DLL4: variants seen among roughly 807,000 people sequenced by gnomAD.
DLL4 encodes the protein delta like canonical Notch ligand 4.
DLL4 carries 7 observed loss-of-function variants against 73.6 expected under a neutral mutation model. The ratio of observed to expected loss-of-function variants is 0.10; its 90% CI spans 0.05 to 0.18. The LOEUF is 0.18. DLL4 is among the 10% of genes least tolerant of loss of function. DLL4 has a pLI of 1.00. For synonymous variants in DLL4, 345 were observed against 374.3 expected (o/e 0.92, Z 0.90); for missense variants, 614 against 929.9 (o/e 0.66, Z 4.42).
Position 40,931,612 on chromosome 15 carries a change from C to A in DLL4, c.504C>A (p.Arg168=). Residue 168 remains arginine (R), a synonymous_variant, in exon 4 of 11, where the codon CGC becomes CGA. Coordinates refer to ENST00000249749, the MANE Select transcript of DLL4 (RefSeq NM_019074.4). ...AAACCAGCACCCTCACAAGGCTGCG[C>A]TACTCTTACCGGGTCATCTGCAGTG... ...DEQTSTLTRL[R]YSYRVICSDN... 1 of 1,613,340 alleles carries A rather than the reference C, an allele frequency of 6.2e-7. No individual in the cohort carries two copies. Among genetic ancestry groups the A allele is most frequent in the Non-Finnish European group, 8.5e-7 (1 of 1,179,610 alleles).
rs1046581027 is a variant in DLL4, at chr15:40,930,905, T to C, written c.394+223T>C. On this transcript the variant is annotated intron_variant, in intron 3 of 10. Transcript: ENST00000249749. This position sits in a 1 kb window ranked among gnomAD's most constrained non-coding sequence, Gnocchi z 5.7. Reference sequence around the variant, plus strand: ...ATTTTTGGCGTGGGAACGCGGGGAGTACGGCGGTGAGAAAGGCTGAAGCTG... The same window carrying C: ...ATTTTTGGCGTGGGAACGCGGGGAGCACGGCGGTGAGAAAGGCTGAAGCTG... 7 of 594,314 alleles carry C rather than the reference T, an allele frequency of 1.2e-5. No homozygotes were observed. The highest frequency in any genetic ancestry group is 6.1e-5 in the Admixed American group (2 of 32,782). The allele number at this position is 594,314 out of a possible 1,614,324, so 36.8% of individuals were successfully genotyped here.
rs1209640511 is a variant in DLL4, at chr15:40,935,111, G to A, written c.1234G>A (p.Ala412Thr). ...KVDRCTSNPC[A>T]NGGQCLNRGP... The stretch of plus-strand genomic sequence containing the variant: ...GGACAGGTGCACCAGCAACCCCTGT[G>A]CCAACGGTGCGTGCTGCTGCCCTGC... Residue 412 changes from alanine to threonine, a missense_variant, in exon 8 of 11, where the codon GCC becomes ACC. Transcript: ENST00000249749. 1 of 1,611,632 alleles carries A rather than the reference G, an allele frequency of 6.2e-7. No individual in the cohort carries two copies. The highest frequency in any genetic ancestry group is 2.2e-5 in the East Asian group (1 of 44,878).
At chr15:40,934,015 CAAAAAAA>C (rs59066863) in intron 6 of DLL4, among the ~76,000 whole-genome samples, 11 of 42,172 alleles carry the variant, frequency 2.6e-4, no homozygotes, top group African/African-American at 4.8e-4. Context: ...GACTCCGTCT[CAAAAAAA>C]AAAAAAAAAA....
Position 40,934,735 on chromosome 15 carries a change from G to A in DLL4, c.1020+18G>A, listed in dbSNP as rs745995306. The A allele has an allele frequency of 3.3e-5, 53 of 1,610,008 alleles. No homozygotes were observed. Among genetic ancestry groups the A allele is most frequent in the Non-Finnish European group, 4.1e-5 (48 of 1,177,118 alleles). ...GCTGTAAGGTGAGGCCCAGACCAGC[G>A]CAGGAAGACAGAGGTGTCAGGTGGT... is the stretch of plus-strand genomic sequence containing the variant. On this transcript the variant is annotated intron_variant, in intron 7 of 10. Transcript: ENST00000249749.
chr15:40,937,030 T>A, intron 9 of DLL4, 100 bp downstream of exon 9: 1 of 1,008,570 alleles, frequency 9.9e-7, no homozygotes, highest in Non-Finnish European at 1.4e-6. Context: ...GCAGCTGAGG[T>A]TTTGTTACTG....
At chr15:40,932,107 G>A (rs1350254310) in intron 4 of DLL4, 64 bp from the exon 5 acceptor site, 6 of 1,590,472 alleles carry the variant, frequency 3.8e-6, no homozygotes, top group African/African-American at 1.3e-5. Context: ...GGGCCAGCAG[G>A]TGAGAATGGG....
chr15:40,932,454 C>A lies in DLL4; in HGVS notation c.850+7C>A. 1 of 1,613,770 alleles carries A rather than the reference C, an allele frequency of 6.2e-7. No individual in the cohort carries two copies. Among genetic ancestry groups the A allele is most frequent in the South Asian group, 1.1e-5 (1 of 91,046 alleles). ...GGCCTGTTTTGTGACCAAGGTGAGTCAGGGTGAAGAGAGGGTGCAGAGGGT... is the reference window on the plus strand; with the variant it reads ...GGCCTGTTTTGTGACCAAGGTGAGTAAGGGTGAAGAGAGGGTGCAGAGGGT... On this transcript the variant is annotated splice_region_variant and intron_variant, in intron 6 of 10. Coordinates refer to ENST00000249749, the MANE Select transcript of DLL4 (RefSeq NM_019074.4).
At chr15:40,931,163 G>A (rs1892764655) in intron 3 of DLL4, 1 of 426,038 alleles carries the variant, frequency 2.3e-6, no homozygotes, top group Admixed American at 4.1e-5. Context: ...TCTCTAGCCT[G>A]GGGAGCTTTT....
chr15:40,932,511 C>T (rs948345959), intron 6 of DLL4, 64 bp downstream of exon 6: 9 of 1,586,806 alleles, frequency 5.7e-6, no homozygotes, highest in East Asian at 4.6e-5. Context: ...GGTGGAAATC[C>T]GATTCGTCAC....
intron 8 of DLL4, 102 bp downstream of exon 8, chr15:40,935,219 C>A: frequency 8.6e-7 from 1 of 1,162,280 alleles, no homozygotes; most frequent in Non-Finnish European, 1.2e-6. Context: ...GTCTGCCACT[C>A]TGGCCCCCCA....
rs763574703 is a variant in DLL4 at position 40,931,627 on chromosome 15, C to G, written c.519C>G (p.Val173=). ...TLTRLRYSYR[V]ICSDNYYGDN... ...CAAGGCTGCGCTACTCTTACCGGGT[C>G]ATCTGCAGTGACAACTACTATGGAG... is the stretch of plus-strand genomic sequence containing the variant. Residue 173 remains valine (V), a synonymous_variant, in exon 4 of 11, where the codon GTC becomes GTG. Transcript: ENST00000249749. 2.0e-5 allele frequency: 32 copies of G among 1,613,308 alleles called. No homozygotes were observed. The highest frequency in any genetic ancestry group is 2.6e-5 in the Non-Finnish European group (31 of 1,179,658).
chr15:40,935,883 C>T (rs1044443818), intron 8 of DLL4, among the ~76,000 whole-genome samples: 1 of 152,208 alleles, frequency 6.6e-6, no homozygotes, highest in African/African-American at 2.4e-5. Flanking sequence ...GCATTCTACT[C>T]CAGTCTAACA....
chr15:40,934,348 GAA>G (rs1323768688), intron 6 of DLL4, among the ~76,000 whole-genome samples, 198 bp from the exon 7 acceptor site: 2 of 150,680 alleles, frequency 1.3e-5, no homozygotes, highest in African/African-American at 4.9e-5. Flanking sequence ...AAGAAGGAAA[GAA>G]AGAGAAAGAG....
At chr15:40,933,776 G>A (rs751178500) in intron 6 of DLL4, among the ~76,000 whole-genome samples, 28 of 152,174 alleles carry the variant, frequency 1.8e-4, no homozygotes, top group Non-Finnish European at 3.7e-4. Flanking sequence ...TTTCACTTTT[G>A]GTTGACTGCA....
At chr15:40,936,164 T>G in intron 8 of DLL4, 64 bp from the exon 9 acceptor site, 3 of 1,405,236 alleles carry the variant, frequency 2.1e-6, no homozygotes, top group Admixed American at 2.4e-5. Flanking sequence ...GGAATGGGGC[T>G]CCCACCCCCT....
rs374530606 is a variant in DLL4 at position 40,936,860 on chromosome 15, G to C, written c.1873G>C (p.Gly625Arg). 3.1e-6 allele frequency: 5 copies of C among 1,613,210 alleles called. No individual in the cohort carries two copies. The Admixed American group carries it at 8.3e-5, about 27-fold the overall frequency. ...YNLAPGPLGR[G>R]TMPGKFPHSD... The stretch of plus-strand genomic sequence containing the variant: ...TCTGGCCCCAGGGCCCCTGGGGCGG[G>C]GGACCATGCCAGGAAAGTTTCCCCA... Residue 625 changes from glycine to arginine, a missense_variant, in exon 9 of 11, where the codon GGG becomes CGG. Around this residue, in one of 3 missense-constraint regions of DLL4, gnomAD observed 386 missense variants for 541.3 expected, o/e 0.71. Transcript: ENST00000249749.
intron 3 of DLL4, chr15:40,931,195 A>G (rs1226034461): frequency 2.2e-6 from 1 of 458,536 alleles, no homozygotes; most frequent in Non-Finnish European, 3.9e-6. Flanking sequence ...TCTTTTTTCC[A>G]TTTTGACCTC....
chr15:40,932,995 G>A (rs774921009), intron 6 of DLL4, among the ~76,000 whole-genome samples: 1 of 152,196 alleles, frequency 6.6e-6, no homozygotes, highest in Non-Finnish European at 1.5e-5. Flanking sequence ...GAACCCATGC[G>A]GTCTCTACCT....
In DLL4 at chr15:40,935,023, G is replaced by C. The variant is rs377214922; in HGVS notation, c.1146G>C (p.Gln382His). ...GGGGCTCCTGCCGGGAGCGCAACCA[G>C]GGGGCCAACTATGCTTGTGAATGTC... ...FNGGSCRERN[Q>H]GANYACECPP... Residue 382 changes from glutamine to histidine, a missense_variant, in exon 8 of 11, where the codon CAG becomes CAC. By Grantham distance (24) the Gln-to-His change is conservative. Transcript: ENST00000249749. 1.2e-6 allele frequency: 2 copies of C among 1,613,422 alleles called. No individual in the cohort carries two copies. The highest frequency in any genetic ancestry group is 1.3e-5 in the African/African-American group (1 of 74,932).
Sources: allele counts gnomAD v4.1 joint callset (sites outside exome capture counted in the v4.1 genomes callset), GRCh38; gene constraint gnomAD v4.1.1; regional missense constraint gnomAD v4.1.1; non-coding constraint Gnocchi (gnomAD v3.1); transcripts MANE v1.5; gene names NCBI Gene and HGNC (gene_info 2026-07-23, HGNC 2026-07-21).